UGT1A7: variants seen among roughly 807,000 people sequenced by gnomAD.
The protein encoded by UGT1A7 is UDP-glucuronosyltransferase 1A7.
Under a neutral mutation model 45.6 loss-of-function variants are expected in UGT1A7, and 33 were observed. That is an observed-to-expected ratio of 0.72 (90% CI 0.55 to 0.97). UGT1A7 has a LOEUF of 0.97. Among genes scored for constraint, UGT1A7 ranks in the 50% least tolerant of loss-of-function variants. The pLI is 0.00. For synonymous variants in UGT1A7, 274 were observed against 250.6 expected (o/e 1.09, Z -0.88); for missense variants, 684 against 666.2 (o/e 1.03, Z -0.29).
intron 1 of UGT1A7, among the ~76,000 whole-genome samples, chr2:233,730,881 T>C (rs2078083479): frequency 6.6e-6 from 1 of 152,122 alleles, no homozygotes. Context: ...CAGGTTTCTA[T>C]AGTGGGATCT....
chr2:233,754,382 C>A, intron 1 of UGT1A7: 2 of 288,814 alleles, frequency 6.9e-6, no homozygotes, highest in Non-Finnish European at 1.4e-5. Flanking sequence ...GAAAGACAAA[C>A]AGAGGTCCTA....
At chr2:233,730,041 T>G in intron 1 of UGT1A7, 1 of 1,612,628 alleles carries the variant, frequency 6.2e-7, no homozygotes, top group South Asian at 1.1e-5. Flanking sequence ...CAAAACACTT[T>G]TTAAAAAAAT....
intron 1 of UGT1A7, among the ~76,000 whole-genome samples, chr2:233,694,288 C>G (rs2075211231): frequency 6.6e-6 from 1 of 151,680 alleles, no homozygotes; most frequent in Non-Finnish European, 1.5e-5. Flanking sequence ...CCAATCTGCC[C>G]AAAGGCCTGT....
chr2:233,685,470 T>C (rs2074740106), intron 1 of UGT1A7, among the ~76,000 whole-genome samples: 2 of 152,234 alleles, frequency 1.3e-5, no homozygotes, highest in Admixed American at 6.5e-5. Flanking sequence ...CCAGTGCAGC[T>C]CTGGAGAACT....
chr2:233,763,802 T>C (rs1286063842), intron 1 of UGT1A7, among the ~76,000 whole-genome samples: 2 of 152,186 alleles, frequency 1.3e-5, no homozygotes, highest in Non-Finnish European at 2.9e-5. Context: ...GGAATGAAAC[T>C]CAAGAATTCC....
chr2:233,772,537 C>A lies in UGT1A7; in HGVS notation c.1571C>A (p.Ala524Asp). Residue 524 changes from alanine (A) to aspartate (D), a missense_variant, in exon 5 of 5, where the codon GCC becomes GAC. By Grantham distance (126) the Ala-to-Asp change is moderately radical (BLOSUM62 -2). Coordinates refer to ENST00000373426, the MANE Select transcript of UGT1A7 (RefSeq NM_019077.3). ...CLGKKGRVKK[A>D]HKSKTH ...GGGAAAAAAGGGCGAGTTAAGAAAG[C>A]CCACAAATCCAAGACCCATTGAGAA... 1.9e-6 allele frequency: 3 copies of A among 1,614,090 alleles called. No homozygotes were observed. Among genetic ancestry groups the A allele is most frequent in the Non-Finnish European group, 2.5e-6 (3 of 1,180,000 alleles).
chr2:233,723,609 T>C (rs2077104515), intron 1 of UGT1A7, among the ~76,000 whole-genome samples: 1 of 104,888 alleles, frequency 9.5e-6, no homozygotes. Context: ...GGGACAATAG[T>C]GGAGGGAAGG....
chr2:233,767,888 G>A lies in UGT1A7; in HGVS notation c.1027G>A (p.Ala343Thr), dbSNP rs771899094. 2 of 1,614,028 alleles carry A rather than the reference G, an allele frequency of 1.2e-6. No individual in the cohort carries two copies. The highest frequency in any genetic ancestry group is 3.3e-5 in the Admixed American group (2 of 60,002). The stretch of plus-strand genomic sequence containing the variant: ...CACTGGAACCCGACCATCGAATCTT[G>A]CGAACAACACGATACTTGTTAAGTG... ...RYTGTRPSNL[A>T]NNTILVKWLP... Residue 343 changes from alanine to threonine, a missense_variant, in exon 3 of 5, where the codon GCG becomes ACG. By Grantham distance (58) the Ala-to-Thr change is moderately conservative. Transcript: ENST00000373426.
chr2:233,769,543 G>A lies in UGT1A7; in HGVS notation c.1295+1104G>A, dbSNP rs750789040. The A allele has an allele frequency of 1.2e-6, 2 of 1,612,968 alleles. No individual in the cohort carries two copies. The highest frequency in any genetic ancestry group is 1.7e-6 in the Non-Finnish European group (2 of 1,179,890). On this transcript the variant is annotated intron_variant, in intron 4 of 4. Transcript: ENST00000373426. The surrounding 1 kb of genome is among the most constrained non-coding windows in gnomAD (Gnocchi z 4.4). The stretch of plus-strand genomic sequence containing the variant: ...TTACCTCCTTTAGAAAGAAGCAGCA[G>A]TCAGGAAGACAGATGTGAAGAGCTG...
intron 1 of UGT1A7, among the ~76,000 whole-genome samples, chr2:233,728,063 G>A (rs1347092156): frequency 6.6e-6 from 1 of 152,218 alleles, no homozygotes; most frequent in African/African-American, 2.4e-5. Flanking sequence ...TGAGGCCCTT[G>A]TGAGTGCTCA....
chr2:233,695,617 T>G (rs1477124343), intron 1 of UGT1A7, among the ~76,000 whole-genome samples: 1 of 152,064 alleles, frequency 6.6e-6, no homozygotes, highest in Non-Finnish European at 1.5e-5. Context: ...CAATGAACTC[T>G]CTACCTCCAT....
intron 4 of UGT1A7, among the ~76,000 whole-genome samples, chr2:233,771,925 G>A (rs1269829032): frequency 6.6e-6 from 1 of 151,860 alleles, no homozygotes; most frequent in Non-Finnish European, 1.5e-5. Flanking sequence ...ACACAGCCTG[G>A]GCAACACAAT....
chr2:233,721,901 G>A, intron 1 of UGT1A7: 1 of 456,940 alleles, frequency 2.2e-6, no homozygotes, highest in Non-Finnish European at 4.4e-6. Flanking sequence ...ATATCGAAAT[G>A]GTGCACACTG....
At chr2:233,737,896 G>C (rs1414538821) in intron 1 of UGT1A7, among the ~76,000 whole-genome samples, 1 of 152,068 alleles carries the variant, frequency 6.6e-6, no homozygotes, top group Non-Finnish European at 1.5e-5. Context: ...TAATTTTCGA[G>C]TGTGGTAAAG....
chr2:233,719,226 G>T (rs2076738991), intron 1 of UGT1A7: 1 of 1,614,026 alleles, frequency 6.2e-7, no homozygotes, highest in Non-Finnish European at 8.5e-7. Context: ...GCATAATGAG[G>T]CCCTGATCAG....
chr2:233,682,465 T>C lies in UGT1A7; in HGVS notation c.528T>C (p.Tyr176=). The C allele has an allele frequency of 6.2e-7, 1 of 1,613,980 alleles. No individual in the cohort carries two copies. The highest frequency in any genetic ancestry group is 2.2e-5 in the East Asian group (1 of 44,884). The part of the protein sequence containing the change: ...VVFARGIFCH[Y]LEEGAQCPAP... ...TCGCCAGGGGAATATTTTGCCACTA[T>C]CTTGAAGAAGGTGCACAGTGCCCTG... Residue 176 remains tyrosine (Y), a synonymous_variant, in exon 1 of 5, where the codon TAT becomes TAC. Transcript: ENST00000373426.
chr2:233,766,405 C>T (rs545959555), intron 1 of UGT1A7, among the ~76,000 whole-genome samples: 1 of 152,316 alleles, frequency 6.6e-6, no homozygotes, highest in East Asian at 1.9e-4. Flanking sequence ...CGTCCCTCCG[C>T]TGATGTGCTC....
intron 1 of UGT1A7, chr2:233,708,309 A>G (rs571309769): frequency 2.0e-5 from 3 of 152,348 alleles, no homozygotes; most frequent in Non-Finnish European, 4.4e-5. Context: ...TGACAATCCA[A>G]TAGGTAAAAA....
intron 1 of UGT1A7, among the ~76,000 whole-genome samples, chr2:233,744,672 T>G (rs778668144): frequency 6.6e-6 from 1 of 151,884 alleles, no homozygotes; most frequent in Non-Finnish European, 1.5e-5. Context: ...ATATTACACA[T>G]CACCCATGTA....
Sources: gnomAD v4.1 joint callset for allele counts (sites outside exome capture counted in the v4.1 genomes callset) on GRCh38, gnomAD v4.1.1 for gene constraint, Gnocchi (gnomAD v3.1) non-coding constraint, MANE v1.5 for transcripts, NCBI Gene and HGNC (gene_info 2026-07-23, HGNC 2026-07-21) for gene names.